The following KCNH1 variants were observed in gnomAD, a reference collection of about 807,000 sequenced individuals.
KCNH1 encodes the protein voltage-gated delayed rectifier potassium channel KCNH1.
A neutral mutation model predicts 69.2 loss-of-function variants in KCNH1; 27 were observed. That is an observed-to-expected ratio of 0.39 (90% CI 0.29 to 0.54). KCNH1 has a LOEUF of 0.54. Among genes scored for constraint, KCNH1 ranks in the 20% least tolerant of loss-of-function variants. The probability of loss-of-function intolerance (pLI) is 0.68; values close to 1 mark genes in which losing one functional copy is unlikely to be tolerated. For synonymous variants in KCNH1, 456 were observed against 487.7 expected, an observed-to-expected ratio of 0.93 and a Z score of 0.86; for missense variants, 798 against 1,261.6, an observed-to-expected ratio of 0.63 and a Z score of 5.57.
At chr1:210,694,804 T>C (rs1233336952) in intron 10 of KCNH1, among the ~76,000 whole-genome samples, 1 of 152,246 alleles carries the variant, frequency 6.6e-6, no homozygotes, top group African/African-American at 2.4e-5. Flanking sequence ...GAAACAGCTC[T>C]GATCAGCCAT....
chr1:210,715,367 CAAT>C (rs898446806), intron 10 of KCNH1, among the ~76,000 whole-genome samples: 1 of 152,110 alleles, frequency 6.6e-6, no homozygotes, highest in Non-Finnish European at 1.5e-5. Flanking sequence ...AAATAACACA[CAAT>C]ATAAATCTTA....
chr1:210,918,143 G>T (rs1687385687), intron 7 of KCNH1, among the ~76,000 whole-genome samples: 1 of 152,148 alleles, frequency 6.6e-6, no homozygotes, highest in Non-Finnish European at 1.5e-5. Context: ...AAAAAAGGAG[G>T]TACCAAGCAG....
chr1:210,786,470 C>T (rs1348286533), intron 9 of KCNH1, among the ~76,000 whole-genome samples: 1 of 152,142 alleles, frequency 6.6e-6, no homozygotes, highest in African/African-American at 2.4e-5. Flanking sequence ...TTATATCCCT[C>T]TCTCCTGGTC....
intron 10 of KCNH1, among the ~76,000 whole-genome samples, chr1:210,711,039 C>A (rs1423050712): frequency 2.6e-5 from 4 of 152,184 alleles, no homozygotes; most frequent in Non-Finnish European, 5.9e-5. Context: ...CCACAGAGGT[C>A]TGGTTCAGTC....
chr1:210,849,923 T>C (rs999678068), intron 7 of KCNH1, among the ~76,000 whole-genome samples: 39 of 148,240 alleles, frequency 2.6e-4, no homozygotes, highest in African/African-American at 9.8e-4. Flanking sequence ...CAATAAATAA[T>C]AATAAAATTT....
intron 10 of KCNH1, among the ~76,000 whole-genome samples, chr1:210,739,729 G>A (rs1003032111): frequency 1.3e-5 from 2 of 152,194 alleles, no homozygotes; most frequent in Non-Finnish European, 2.9e-5. Context: ...ATTGGCCATA[G>A]GGTCTTAGCT....
At chr1:211,062,758 A>C (rs144798353) in intron 5 of KCNH1, among the ~76,000 whole-genome samples, 339 of 152,366 alleles carry the variant, frequency 2.2e-3, no homozygotes, top group African/African-American at 7.7e-3. Context: ...ACAATGAGAT[A>C]TCATGTAACC....
At chr1:210,853,441 G>A (rs561542087) in intron 7 of KCNH1, among the ~76,000 whole-genome samples, 23 of 152,322 alleles carry the variant, frequency 1.5e-4, no homozygotes, top group Non-Finnish European at 3.1e-4. Context: ...GCTGGAGCTT[G>A]TCATGAGAGG....
intron 6 of KCNH1, among the ~76,000 whole-genome samples, chr1:210,949,482 G>A (rs1688022164): frequency 6.6e-6 from 1 of 152,170 alleles, no homozygotes; most frequent in South Asian, 2.1e-4. Flanking sequence ...GAACATAGTT[G>A]TTGTTGTTTT....
At chr1:210,999,594 A>G (rs1689128039) in intron 6 of KCNH1, among the ~76,000 whole-genome samples, 1 of 152,232 alleles carries the variant, frequency 6.6e-6, no homozygotes. Context: ...TACAAGGAGG[A>G]GCTGGTACCA....
intron 10 of KCNH1, among the ~76,000 whole-genome samples, chr1:210,714,825 G>A (rs1400458292): frequency 6.6e-6 from 1 of 152,328 alleles, no homozygotes; most frequent in African/African-American, 2.4e-5. Flanking sequence ...AAGAAAGAAA[G>A]AAATGAATCT....
chr1:210,952,074 C>T (rs1237963729), intron 6 of KCNH1, among the ~76,000 whole-genome samples: 1 of 152,174 alleles, frequency 6.6e-6, no homozygotes, highest in Non-Finnish European at 1.5e-5. Context: ...GTCACCCAGA[C>T]AAGCTGCCTA....
chr1:211,117,217 G>C (rs1170242663), intron 1 of KCNH1, among the ~76,000 whole-genome samples: 1 of 152,132 alleles, frequency 6.6e-6, no homozygotes, highest in Admixed American at 6.6e-5. Flanking sequence ...ACACATCTCA[G>C]GTCTCCTACT....
At chr1:210,773,549 T>C (rs1179704719) in intron 10 of KCNH1, among the ~76,000 whole-genome samples, 1 of 152,198 alleles carries the variant, frequency 6.6e-6, no homozygotes, top group Non-Finnish European at 1.5e-5. Context: ...CATTGGAACC[T>C]TGTACAAAGG....
chr1:210,788,384 T>C (rs1331927751), intron 9 of KCNH1, among the ~76,000 whole-genome samples: 1 of 152,228 alleles, frequency 6.6e-6, no homozygotes, highest in Non-Finnish European at 1.5e-5. Context: ...CCAGTAAAAC[T>C]TCTTCATATC....
chr1:211,002,135 C>T (rs1451517404), intron 6 of KCNH1, among the ~76,000 whole-genome samples: 1 of 151,944 alleles, frequency 6.6e-6, no homozygotes, highest in African/African-American at 2.4e-5. Context: ...ACGTTGTGCA[C>T]ATGTACACAT....
At chr1:210,710,549 T>G (rs1466054076) in intron 10 of KCNH1, among the ~76,000 whole-genome samples, 1 of 152,142 alleles carries the variant, frequency 6.6e-6, no homozygotes, top group African/African-American at 2.4e-5. Flanking sequence ...TATCACTAAG[T>G]GACAGAAATT....
intron 7 of KCNH1, among the ~76,000 whole-genome samples, chr1:210,816,410 A>G (rs1184824675): frequency 6.6e-6 from 1 of 152,200 alleles, no homozygotes. Context: ...GTGCCACCTC[A>G]TTTCAACCAG....
At chr1:211,051,066 C>T (rs569324166) in intron 5 of KCNH1, among the ~76,000 whole-genome samples, 77 of 152,098 alleles carry the variant, frequency 5.1e-4, no homozygotes, top group African/African-American at 1.8e-3. Flanking sequence ...GGCACAATCT[C>T]GGCTCACTGC....
Sources: allele counts gnomAD v4.1 joint callset (sites outside exome capture counted in the v4.1 genomes callset), GRCh38; gene constraint gnomAD v4.1.1; transcripts MANE v1.5; gene names NCBI Gene and HGNC (gene_info 2026-07-23, HGNC 2026-07-21).